The following C6 variants were observed in gnomAD, a reference collection of about 807,000 sequenced individuals.
C6 encodes complement C6.
C6 carries 101 observed loss-of-function variants against 112.9 expected under a neutral mutation model. The observed-to-expected ratio is 0.89, with a 90% confidence interval of 0.76 to 1.06. The LOEUF (loss-of-function observed/expected upper bound fraction) is 1.06, where lower values mean the gene tolerates loss of function less well. Among genes scored for constraint, C6 ranks in the 50% least tolerant of loss-of-function variants. C6 has a pLI of 0.00. For synonymous variants in C6, 431 were observed against 384.1 expected (o/e 1.12, Z -1.43); for missense variants, 1,202 against 1,104.6 (o/e 1.09, Z -1.25).
At chr5:41,149,586 C>T (rs1746184576) in intron 16 of C6, 104 bp from the exon 17 acceptor site, 19 of 1,436,428 alleles carry the variant, frequency 1.3e-5, no homozygotes, top group Non-Finnish European at 1.8e-5. Context: ...TTTCTTTTGC[C>T]TGTTTTCCCC....
chr5:41,158,823 A>G (rs1193806762), intron 12 of C6, 38 bp from the exon 13 acceptor site: 1 of 1,182,460 alleles, frequency 8.5e-7, no homozygotes, highest in East Asian at 2.3e-5. Flanking sequence ...ATATGTATGT[A>G]TGTACACACA....
At chr5:41,216,256 C>T (rs1752192905), upstream of C6, among the ~76,000 whole-genome samples, 1 of 152,076 alleles carries the variant, frequency 6.6e-6, no homozygotes, top group Admixed American at 6.6e-5. Flanking sequence ...CAGCCTACAC[C>T]AACTATTCTC....
chr5:41,216,399 T>C (rs1752196817), upstream of C6, among the ~76,000 whole-genome samples: 1 of 152,150 alleles, frequency 6.6e-6, no homozygotes, highest in Admixed American at 6.6e-5. Context: ...CCTTCCTCTA[T>C]GATTCTCTTC....
At chr5:41,172,686 G>C in intron 8 of C6, 4 of 404,098 alleles carry the variant, frequency 9.9e-6, no homozygotes, top group South Asian at 8.8e-5. Flanking sequence ...TAACACAATG[G>C]AGCTTTAAGC....
upstream of C6, among the ~76,000 whole-genome samples, chr5:41,213,907 G>A (rs567838661): frequency 6.6e-6 from 1 of 152,234 alleles, no homozygotes; most frequent in South Asian, 2.1e-4. Context: ...AATGAATTTA[G>A]TATGATTTAT....
chr5:41,259,401 C>T (rs896415680), intron 1 of C6, among the ~76,000 whole-genome samples: 15 of 151,484 alleles, frequency 9.9e-5, no homozygotes, highest in African/African-American at 3.2e-4. Flanking sequence ...TTAATATAAG[C>T]AATGATGTCC....
chr5:41,200,863 C>A (rs115750566), intron 3 of C6, among the ~76,000 whole-genome samples: 1,891 of 140,036 alleles, frequency 0.014, 15 homozygotes, highest in Admixed American at 0.028. Flanking sequence ...TGGACTGAAA[C>A]CCTGTTTTTG....
chr5:41,239,115 T>TC (rs1245562887), intron 1 of C6, among the ~76,000 whole-genome samples: 36 of 146,220 alleles, frequency 2.5e-4, no homozygotes, highest in Admixed American at 1.1e-3. Flanking sequence ...TTCTTTCTTT[T>TC]TTTTTTTTTT....
At chr5:41,207,230 C>T (rs1751506391) in intron 1 of C6, among the ~76,000 whole-genome samples, 1 of 152,038 alleles carries the variant, frequency 6.6e-6, no homozygotes, top group South Asian at 2.1e-4. Context: ...GAAGGAAGCA[C>T]TAAACATAGA....
At chr5:41,258,296 C>T (rs1741842265) in intron 1 of C6, among the ~76,000 whole-genome samples, 1 of 152,122 alleles carries the variant, frequency 6.6e-6, no homozygotes, top group African/African-American at 2.4e-5. Flanking sequence ...CTTCTTTATT[C>T]TATATGAAGT....
At chr5:41,148,132 C>T (rs531578113) in intron 17 of C6, among the ~76,000 whole-genome samples, 1 of 152,168 alleles carries the variant, frequency 6.6e-6, no homozygotes, top group East Asian at 1.9e-4. Context: ...AATCTTAGCT[C>T]ACAGATTTAT....
intron 15 of C6, 139 bp downstream of exon 15, chr5:41,153,671 C>A: frequency 1.5e-6 from 1 of 658,710 alleles, no homozygotes; most frequent in Non-Finnish European, 2.7e-6. Context: ...TTGCATAGTT[C>A]CGGTTTGACC....
chr5:41,142,407 G>T lies in C6; in HGVS notation c.*418C>A. The T allele has an allele frequency of 4.7e-6, 1 of 211,392 alleles. No individual in the cohort carries two copies. Among genetic ancestry groups the T allele is most frequent in the Non-Finnish European group, 9.8e-6 (1 of 101,888 alleles). The allele number at this position is 211,392 out of a possible 1,614,324, so 13.1% of individuals were successfully genotyped here. ...GAAATTATTTGTTGAATGAAGATAT[G>T]AAAGCTGGGCTTCAAGAATGTGTTT... On this transcript the variant is annotated 3_prime_UTR_variant, in exon 18 of 18. Transcript: ENST00000337836.
rs182993046 is a variant in C6 at position 41,229,491 on chromosome 5, C to T, written c.-20-26241G>A. Among the ~76,000 whole-genome samples, 259 of 152,026 alleles carry T rather than the reference C, an allele frequency of 1.7e-3. 1 individual carries two copies. Among genetic ancestry groups the T allele is most frequent in the African/African-American group, 5.9e-3 (246 of 41,476 alleles). On this transcript the variant is annotated intron_variant, in intron 1 of 17. Coordinates refer to the C6 transcript ENST00000263413. Reference sequence around the variant, plus strand: ...ACATATTTATAAATTTTCAAATTTTCCTCCTGTTATTGATTTCTAGTTTCA... The same window carrying T: ...ACATATTTATAAATTTTCAAATTTTTCTCCTGTTATTGATTTCTAGTTTCA...
Position 41,149,422 on chromosome 5 carries a change from G to T in C6, c.2442C>A (p.Pro814=). Residue 814 remains proline, a synonymous_variant, in exon 17 of 18, where the codon CCC becomes CCA. Coordinates refer to ENST00000337836, the MANE Select transcript of C6 (RefSeq NM_000065.5). The stretch of plus-strand genomic sequence containing the variant: ...ATTTCTCAGCCAAAAACTTACAAGC[G>T]GGTGAAGTAAAGTAATCGTTGGAGT... ...DTDSNDYFTS[P]ACKFLAEKCL... 1 of 1,613,988 alleles carries T rather than the reference G, an allele frequency of 6.2e-7. No homozygotes were observed. Among genetic ancestry groups the T allele is most frequent in the Non-Finnish European group, 8.5e-7 (1 of 1,179,912 alleles).
intron 8 of C6, among the ~76,000 whole-genome samples, chr5:41,174,520 A>T (rs1372953684): frequency 6.6e-6 from 1 of 152,164 alleles, no homozygotes; most frequent in East Asian, 1.9e-4. Context: ...GCATATTAGG[A>T]TATTTTTATT....
intron 1 of C6, among the ~76,000 whole-genome samples, chr5:41,242,373 CT>C (rs1411735251): frequency 6.6e-6 from 1 of 152,190 alleles, no homozygotes; most frequent in Non-Finnish European, 1.5e-5. Context: ...CCTGCCTCTC[CT>C]TTGCCTTCTG....
At chr5:41,232,665 T>A (rs191773111) in intron 1 of C6, among the ~76,000 whole-genome samples, 10 of 152,158 alleles carry the variant, frequency 6.6e-5, no homozygotes, top group African/African-American at 2.4e-4. Flanking sequence ...TAAAAAAAAT[T>A]TTAAGTCATT....
chr5:41,174,795 C>CT (rs1234732864), intron 8 of C6, among the ~76,000 whole-genome samples: 1 of 151,986 alleles, frequency 6.6e-6, no homozygotes, highest in Non-Finnish European at 1.5e-5. Context: ...TAAATCTATA[C>CT]TTTAGTTTCA....
Sources: allele counts gnomAD v4.1 joint callset (sites outside exome capture counted in the v4.1 genomes callset), GRCh38; gene constraint gnomAD v4.1.1; transcripts MANE v1.5; gene names NCBI Gene and HGNC (gene_info 2026-07-23, HGNC 2026-07-21).